The following KNTC1 variants were observed in gnomAD, a reference collection of about 807,000 sequenced individuals.
The protein encoded by KNTC1 is kinetochore-associated protein 1.
KNTC1 carries 253 observed loss-of-function variants against 314.4 expected under a neutral mutation model. The observed-to-expected ratio is 0.80, with a 90% CI of 0.73 to 0.89. The LOEUF (loss-of-function observed/expected upper bound fraction) is 0.89. Among genes scored for constraint, KNTC1 ranks in the 40% least tolerant of loss-of-function variants. The pLI is 0.00. For synonymous variants in KNTC1, 901 were observed against 901.4 expected (o/e 1.00, Z 0.01); for missense variants, 2,475 against 2,572.9 (o/e 0.96, Z 0.82).
intron 51 of KNTC1, among the ~76,000 whole-genome samples, chr12:122,608,973 T>C (rs2138143041): frequency 6.6e-6 from 1 of 152,170 alleles, no homozygotes; most frequent in South Asian, 2.1e-4. Context: ...GCAAGAGGAT[T>C]GCTTGAGCAC....
At chr12:122,612,155 TC>T (rs1185824811) in intron 53 of KNTC1, among the ~76,000 whole-genome samples, 2 of 149,784 alleles carry the variant, frequency 1.3e-5, no homozygotes, top group Admixed American at 6.7e-5. Context: ...AACCTCCGCC[TC>T]CCGGGTTCAA....
At chr12:122,582,501 C>T (rs900650141) in intron 33 of KNTC1, among the ~76,000 whole-genome samples, 2 of 151,882 alleles carry the variant, frequency 1.3e-5, no homozygotes, top group African/African-American at 4.8e-5. Context: ...CGAAAAACTA[C>T]GCATCAGGTA....
Position 122,620,718 on chromosome 12 carries a change from A to G in KNTC1, c.6279+110A>G, listed in dbSNP as rs1042769255. ...TTCAGCAAACCTGTAAAGCATGAAT[A>G]CATCAGATATGTGTGAAGCTTGTAT... On this transcript the variant is annotated intron_variant, in intron 60 of 63. Coordinates refer to ENST00000333479, the MANE Select transcript of KNTC1 (RefSeq NM_014708.6). 1.2e-5 allele frequency: 13 copies of G among 1,115,008 alleles called. No individual in the cohort carries two copies. The African/African-American group carries it at 1.9e-4, about 16-fold the overall frequency. 69.1% of individuals were successfully genotyped at this position (1,115,008 alleles called of 1,614,324 possible).
At chr12:122,579,761 C>G (rs1208925945) in intron 31 of KNTC1, 144 bp from the exon 32 acceptor site, 4 of 619,132 alleles carry the variant, frequency 6.5e-6, no homozygotes, top group Non-Finnish European at 1.1e-5. Context: ...CTGTATAACG[C>G]TCATTAACCA....
At chr12:122,529,699 G>C (rs560071276) in intron 1 of KNTC1, among the ~76,000 whole-genome samples, 2 of 152,196 alleles carry the variant, frequency 1.3e-5, no homozygotes, top group South Asian at 4.1e-4. Flanking sequence ...TATAATTAAA[G>C]GTTTATTTCT....
chr12:122,586,428 G>A (rs977333522), intron 37 of KNTC1, among the ~76,000 whole-genome samples: 14 of 152,098 alleles, frequency 9.2e-5, no homozygotes, highest in African/African-American at 3.1e-4. Context: ...GTTTGTGGAC[G>A]TTTATCAGGT....
chr12:122,549,957 C>A, intron 13 of KNTC1, 93 bp downstream of exon 13: 1 of 694,326 alleles, frequency 1.4e-6, no homozygotes, highest in Non-Finnish European at 2.4e-6. Flanking sequence ...AATAATTAAG[C>A]TAAGCATTAG....
chr12:122,609,894 C>T (rs1316319372), intron 52 of KNTC1, among the ~76,000 whole-genome samples: 2 of 152,172 alleles, frequency 1.3e-5, no homozygotes, highest in Admixed American at 6.5e-5. Context: ...AAGACTCTAT[C>T]TGGGCTCAAG....
intron 63 of KNTC1, 166 bp downstream of exon 63, chr12:122,624,854 C>A: frequency 1.6e-6 from 1 of 623,478 alleles, no homozygotes; most frequent in Non-Finnish European, 2.9e-6. Context: ...AACTAGAAAT[C>A]AAGAGACCAC....
intron 18 of KNTC1, among the ~76,000 whole-genome samples, chr12:122,560,284 A>G (rs1199779294): frequency 1.3e-5 from 2 of 152,162 alleles, no homozygotes; most frequent in African/African-American, 2.4e-5. Flanking sequence ...TAATTCTGCT[A>G]TGAACATGGG....
At chr12:122,582,158 T>A (rs1394124801) in intron 33 of KNTC1, among the ~76,000 whole-genome samples, 1 of 152,182 alleles carries the variant, frequency 6.6e-6, no homozygotes, top group Non-Finnish European at 1.5e-5. Flanking sequence ...GGTTCATGCC[T>A]GTAATCCCAA....
rs1964980692 is a variant in KNTC1, at chr12:122,575,860, T to C, written c.2547T>C (p.Tyr849=). Residue 849 remains tyrosine, a synonymous_variant, in exon 29 of 64, where the codon TAT becomes TAC. Coordinates refer to ENST00000333479, the MANE Select transcript of KNTC1 (RefSeq NM_014708.6). ...LMEMKKLLRG[Y]GIREVNLLNK... is the part of the protein sequence containing the mutation. ...AGATGAAAAAACTTTTACGAGGCTA[T>C]GGAATAAGAGAGGTAAATCTCTTAA... is the stretch of plus-strand genomic sequence containing the variant. The C allele has an allele frequency of 6.2e-7, 1 of 1,613,546 alleles. No individual in the cohort carries two copies. Among genetic ancestry groups the C allele is most frequent in the East Asian group, 2.2e-5 (1 of 44,858 alleles).
chr12:122,546,262 T>C lies in KNTC1; in HGVS notation c.756T>C (p.Ile252=), dbSNP rs1160969341. The C allele has an allele frequency of 1.3e-6, 2 of 1,548,772 alleles. No individual in the cohort carries two copies. Among genetic ancestry groups the C allele is most frequent in the South Asian group, 1.1e-5 (1 of 88,626 alleles). Residue 252 remains isoleucine (I), a synonymous_variant, in exon 9 of 64, where the codon ATT becomes ATC. Coordinates refer to ENST00000333479, the MANE Select transcript of KNTC1 (RefSeq NM_014708.6). ...MTVKNLIDAE[I]IKGAKKFQLI... ...TTAAGAACCTTATTGATGCAGAGAT[T>C]ATTAAAGGTAAAATAAGTTAATGAA...
At chr12:122,610,412 G>A (rs907095965) in intron 52 of KNTC1, among the ~76,000 whole-genome samples, 15 of 152,266 alleles carry the variant, frequency 9.9e-5, no homozygotes, top group South Asian at 4.1e-4. Context: ...CTCCCTTCCC[G>A]GAGAGGGGCC....
Position 122,570,867 on chromosome 12 carries a change from C to G in KNTC1, c.1861-9C>G, listed in dbSNP as rs1964639434. 6.6e-7 allele frequency: 1 copy of G among 1,513,094 alleles called. No individual in the cohort carries two copies. The highest frequency in any genetic ancestry group is 2.0e-5 in the Admixed American group (1 of 50,728). 93.7% of individuals were successfully genotyped at this position (1,513,094 alleles called of 1,614,324 possible). A position where few individuals can be genotyped will look rare whatever the true frequency, so the allele number is the denominator to read the frequency against. On this transcript the variant is annotated splice_polypyrimidine_tract_variant and intron_variant, in intron 22 of 63. Transcript: ENST00000333479. Reference sequence around the variant, plus strand: ...ATTAAGAATTTCATTTTTAAATAATCTATTTCAGATAATTCTTGCAAAATG... The same window carrying G: ...ATTAAGAATTTCATTTTTAAATAATGTATTTCAGATAATTCTTGCAAAATG...
rs1379649718 is a variant in KNTC1, at chr12:122,615,507, G to T, written c.6011G>T (p.Ser2004Ile). 6.5e-7 allele frequency: 1 copy of T among 1,527,136 alleles called. No homozygotes were observed. Among genetic ancestry groups the T allele is most frequent in the Non-Finnish European group, 8.8e-7 (1 of 1,131,646 alleles). 94.6% of individuals were successfully genotyped at this position (1,527,136 alleles called of 1,614,324 possible). A position where few individuals can be genotyped will look rare whatever the true frequency, so the allele number is the denominator to read the frequency against. The change falls in exon 57 of 64, where the codon AGT (serine) becomes ATT (isoleucine). Residue 2004 changes from serine to isoleucine, a missense_variant. Transcript: ENST00000333479. ...AGGAAAGTTTTAAAAGCCATCTCCA[G>T]TATCCATTCTTTATGGCAGGTATGT... ...YLRKVLKAIS[S>I]IHSLWQVPYF...
chr12:122,557,450 G>A lies in KNTC1; in HGVS notation c.1339G>A (p.Glu447Lys), dbSNP rs1963673543. ...GGCATTGAGTTCTGTGGATGCCAGTGAACAGACCGAATGGCAACAACTTGT... is the reference window on the plus strand; with the variant it reads ...GGCATTGAGTTCTGTGGATGCCAGTAAACAGACCGAATGGCAACAACTTGT... Reference protein sequence around the residue: ...KLALSSVDASEQTEWQQLVDD... With the variant: ...KLALSSVDASKQTEWQQLVDD... The change falls in exon 17 of 64, where the codon GAA (glutamate) becomes AAA (lysine). Residue 447 changes from glutamate (E) to lysine (K), a missense_variant. Glu to Lys is a moderately conservative substitution (Grantham distance 56, BLOSUM62 1). Coordinates refer to ENST00000333479, the MANE Select transcript of KNTC1 (RefSeq NM_014708.6). The A allele has an allele frequency of 6.2e-7, 1 of 1,613,358 alleles. No individual in the cohort carries two copies. Among genetic ancestry groups the A allele is most frequent in the African/African-American group, 1.3e-5 (1 of 74,902 alleles).
At chr12:122,601,424 T>A in intron 44 of KNTC1, 112 bp from the exon 45 acceptor site, 1 of 950,048 alleles carries the variant, frequency 1.1e-6, no homozygotes, top group Non-Finnish European at 1.5e-6. Context: ...AATTTAACAA[T>A]GTAGTGCAGT....
chr12:122,601,249 A>AT (rs149061938), intron 44 of KNTC1, among the ~76,000 whole-genome samples: 4 of 149,770 alleles, frequency 2.7e-5, no homozygotes, highest in South Asian at 4.2e-4. Flanking sequence ...CGCCCAGCTA[A>AT]TTTTTTTTTG....
Sources: allele counts gnomAD v4.1 joint callset (sites outside exome capture counted in the v4.1 genomes callset), GRCh38; gene constraint gnomAD v4.1.1; transcripts MANE v1.5; gene names NCBI Gene and HGNC (gene_info 2026-07-23, HGNC 2026-07-21).